PDCD4: variants seen among roughly 807,000 people sequenced by gnomAD.
The protein encoded by PDCD4 is programmed cell death protein 4.
A neutral mutation model predicts 54.0 loss-of-function variants in PDCD4; 56 were observed. The observed-to-expected ratio is 1.04, with a 90% CI of 0.84 to 1.30. The LOEUF (loss-of-function observed/expected upper bound fraction) is 1.30. Among genes scored for constraint, PDCD4 ranks in the 50% most tolerant of loss-of-function variants. The probability of loss-of-function intolerance (pLI) is 0.00; values close to 1 mark genes in which losing one functional copy is unlikely to be tolerated. For synonymous variants in PDCD4, 186 were observed against 194.8 expected, an observed-to-expected ratio of 0.95 and a Z score of 0.37; for missense variants, 584 against 559.8, an observed-to-expected ratio of 1.04 and a Z score of -0.44.
intron 6 of PDCD4, among the ~76,000 whole-genome samples, chr10:110,888,678 C>T (rs915941991): frequency 2.0e-5 from 3 of 151,938 alleles, no homozygotes. Context: ...GGAATCATAC[C>T]ATTATGCTAT....
chr10:110,885,372 T>A lies in PDCD4; in HGVS notation c.555+6T>A. ...GAGATACTAATGAAGTTGCGGTAGG[T>A]TTAAAGTTGCAAGTATAATTTATTT... On this transcript the variant is annotated splice_donor_region_variant and intron_variant, in intron 5 of 11. Coordinates refer to ENST00000280154, the MANE Select transcript of PDCD4 (RefSeq NM_014456.5). The A allele has an allele frequency of 1.5e-6, 2 of 1,317,730 alleles. No individual in the cohort carries two copies. Among genetic ancestry groups the A allele is most frequent in the Non-Finnish European group, 2.2e-6 (2 of 921,630 alleles). 81.6% of individuals were successfully genotyped at this position (1,317,730 alleles called of 1,614,324 possible). A position where few individuals can be genotyped will look rare whatever the true frequency, so the allele number is the denominator to read the frequency against.
chr10:110,880,040 A>G (rs1259065389), intron 2 of PDCD4, among the ~76,000 whole-genome samples: 1 of 152,234 alleles, frequency 6.6e-6, no homozygotes, highest in Non-Finnish European at 1.5e-5. Context: ...GTTAACAATA[A>G]TGAACAAAAC....
At chr10:110,894,803 CTATTTTA>C (rs1214623290) in intron 10 of PDCD4, among the ~76,000 whole-genome samples, 1 of 145,752 alleles carries the variant, frequency 6.9e-6, no homozygotes, top group Admixed American at 6.9e-5. Context: ...GTGACAATTT[CTATTTTA>C]TATCTAGAGA....
rs41292600 is a variant in PDCD4, at chr10:110,887,675, G to A, written c.566G>A (p.Arg189Lys). The change falls in exon 6 of 12, where the codon AGA becomes AAA. Residue 189 changes from arginine (R) to lysine (K), a missense_variant. Coordinates refer to ENST00000280154, the MANE Select transcript of PDCD4 (RefSeq NM_014456.5). ...GDTNEVAEML[R>K]DLNLGEMKSG... ...TATTTTTTTGAACAGGAAATGTTAA[G>A]AGATTTAAATCTTGGTGAAATGAAA... The A allele has an allele frequency of 7.2e-3, 11,597 of 1,607,138 alleles. 52 individuals are homozygous for A. Among genetic ancestry groups the A allele is most frequent in the South Asian group, 8.6e-3 (779 of 90,684 alleles).
chr10:110,876,394 A>G (rs1161628998), intron 2 of PDCD4, among the ~76,000 whole-genome samples: 7 of 152,230 alleles, frequency 4.6e-5, no homozygotes, highest in Non-Finnish European at 4.4e-5. Context: ...CTATCTTTAA[A>G]TACTCTTTTA....
intron 11 of PDCD4, among the ~76,000 whole-genome samples, chr10:110,897,110 T>A (rs1845848792): frequency 6.6e-6 from 1 of 152,204 alleles, no homozygotes; most frequent in African/African-American, 2.4e-5. Context: ...ATGTTCAAGA[T>A]GATGTAGCTG....
At chr10:110,877,299 T>C (rs1272413910) in intron 2 of PDCD4, among the ~76,000 whole-genome samples, 1 of 152,196 alleles carries the variant, frequency 6.6e-6, no homozygotes, top group African/African-American at 2.4e-5. Context: ...TTATTACTCC[T>C]GGGCTCAAGT....
intron 5 of PDCD4, 46 bp from the exon 6 acceptor site, chr10:110,887,619 G>A (rs897501588): frequency 2.3e-6 from 3 of 1,332,796 alleles, no homozygotes; most frequent in Admixed American, 3.5e-5. Flanking sequence ...TGAACTATAG[G>A]TAGTGATACA....
At chr10:110,872,423 T>A (rs1845427177) in intron 1 of PDCD4, among the ~76,000 whole-genome samples, 1 of 152,134 alleles carries the variant, frequency 6.6e-6, no homozygotes, top group South Asian at 2.1e-4. Context: ...CCGGCTGGAC[T>A]GAAATCCTGT....
At position 110,886,801 on chromosome 10, in the gene PDCD4, G is replaced by A. The variant is rs564523825; in HGVS notation, c.556-864G>A. Among the ~76,000 whole-genome samples the A allele has an allele frequency of 2.0e-5, 3 of 152,202 alleles. No individual in the cohort carries two copies. The South Asian group carries it at 6.2e-4, about 32-fold the overall frequency. On this transcript the variant is annotated intron_variant, in intron 5 of 11. Transcript: ENST00000280154. Reference sequence around the variant, plus strand: ...CATTAGTCAATAAGTATTAGCTGCAGCTATTATATTTCTAAAAGGAAATTT... The same window carrying A: ...CATTAGTCAATAAGTATTAGCTGCAACTATTATATTTCTAAAAGGAAATTT...
At chr10:110,873,704 C>G (rs1010873678) in intron 1 of PDCD4, among the ~76,000 whole-genome samples, 11 of 152,058 alleles carry the variant, frequency 7.2e-5, no homozygotes, top group Non-Finnish European at 1.5e-4. Context: ...TGGAAAAAAT[C>G]CTACTACTTT....
chr10:110,883,970 G>T (rs951992620), intron 4 of PDCD4, among the ~76,000 whole-genome samples: 11 of 152,204 alleles, frequency 7.2e-5, no homozygotes. Context: ...TATGTTTTTA[G>T]GCTGAAGCCA....
At position 110,892,484 on chromosome 10, in the gene PDCD4, A is replaced by G. The variant is rs115554044; in HGVS notation, c.991-1607A>G. Among the ~76,000 whole-genome samples, 738 of 152,360 alleles carry G rather than the reference A, an allele frequency of 4.8e-3. 6 individuals carry two copies. Among genetic ancestry groups the G allele is most frequent in the African/African-American group, 0.017 (697 of 41,580 alleles). ...TGTATAAATGTATTTGTAATTTATC[A>G]TTCTCAGAAGTGCATGGAATTTGAT... On this transcript the variant is annotated intron_variant, in intron 8 of 11. Transcript: ENST00000280154.
At chr10:110,897,957 T>C in intron 11 of PDCD4, 71 bp from the exon 12 acceptor site, 1 of 1,125,158 alleles carries the variant, frequency 8.9e-7, no homozygotes, top group Non-Finnish European at 1.3e-6. Context: ...ACCAAGTTTT[T>C]AATTTTTTTA....
chr10:110,882,735 A>AT (rs1012666391), intron 3 of PDCD4, among the ~76,000 whole-genome samples: 14 of 151,848 alleles, frequency 9.2e-5, no homozygotes, highest in African/African-American at 1.9e-4. Flanking sequence ...CAATATAGCT[A>AT]TTTTTTTATC....
At chr10:110,875,410 A>C (rs1452923626) in intron 1 of PDCD4, among the ~76,000 whole-genome samples, 3 of 152,300 alleles carry the variant, frequency 2.0e-5, no homozygotes, top group Admixed American at 6.5e-5. Context: ...AGTTTCTCCC[A>C]AAGTCTTATT....
At chr10:110,872,894 G>GC (rs1845442855) in intron 1 of PDCD4, among the ~76,000 whole-genome samples, 1 of 151,954 alleles carries the variant, frequency 6.6e-6, no homozygotes, top group Non-Finnish European at 1.5e-5. Context: ...CGTCAATTTC[G>GC]CCCCCCTCCC....
In PDCD4 at chr10:110,887,613, C is replaced by T. The variant is rs1366547377; in HGVS notation, c.556-52C>T. On this transcript the variant is annotated intron_variant, in intron 5 of 11. Coordinates refer to ENST00000280154, the MANE Select transcript of PDCD4 (RefSeq NM_014456.5). ...TTTTCAAAAATAAAATTTTATTGAA[C>T]TATAGGTAGTGATACACTTTTAAAA... The T allele has an allele frequency of 3.9e-6, 5 of 1,284,340 alleles. No individual in the cohort carries two copies. In the Admixed American group the frequency reaches 5.6e-5, roughly 14 times the overall value. The allele number at this position is 1,284,340 out of a possible 1,614,324, so 79.6% of individuals were successfully genotyped here.
chr10:110,897,785 G>A (rs577919166), intron 11 of PDCD4, among the ~76,000 whole-genome samples: 2 of 151,726 alleles, frequency 1.3e-5, no homozygotes, highest in South Asian at 4.2e-4. Flanking sequence ...TTTTTTTAAT[G>A]TGACTCTGTT....
Sources: gnomAD v4.1 joint callset for allele counts (sites outside exome capture counted in the v4.1 genomes callset) on GRCh38, gnomAD v4.1.1 for gene constraint, MANE v1.5 for transcripts, NCBI Gene and HGNC (gene_info 2026-07-23, HGNC 2026-07-21) for gene names.